TOM1: variants seen among roughly 807,000 people sequenced by gnomAD.
TOM1 encodes the protein target of myb1 membrane trafficking protein, also known as target of Myb protein 1.
Under a neutral mutation model 61.3 loss-of-function variants are expected in TOM1, and 38 were observed. That is an observed-to-expected ratio of 0.62 (90% confidence interval 0.48 to 0.81). TOM1 has a LOEUF of 0.81. Ranked by LOEUF, TOM1 falls within the 40% of genes least tolerant of loss-of-function variation. The probability of loss-of-function intolerance (pLI) is 0.00; values close to 1 mark genes in which losing one functional copy is unlikely to be tolerated. For missense variants in TOM1, 591 were observed against 659.6 expected, an observed-to-expected ratio of 0.90 and a Z score of 1.14; for synonymous variants, 270 against 268.8, an observed-to-expected ratio of 1.00 and a Z score of -0.04.
At position 35,332,986 on chromosome 22, in the gene TOM1, A is replaced by G; in HGVS notation, c.905A>G (p.Glu302Gly). ...NNVFLRHERF[E>G]RFRTGQTTKA... ...GTGTCTTTTCTGTCTTGTAGGTTTGAACGGTTCCGAACAGGCCAGACCACC... is the reference window on the plus strand; with the variant it reads ...GTGTCTTTTCTGTCTTGTAGGTTTGGACGGTTCCGAACAGGCCAGACCACC... The change falls in exon 9 of 15, where the codon GAA (glutamate) becomes GGA (glycine). Residue 302 changes from glutamate to glycine, a missense_variant. Transcript: ENST00000449058. 2 of 1,614,058 alleles carry G rather than the reference A, an allele frequency of 1.2e-6. No individual in the cohort carries two copies. The highest frequency in any genetic ancestry group is 2.2e-5 in the South Asian group (2 of 91,072).
In TOM1 at chr22:35,338,627, G is replaced by A. The variant is rs371178160; in HGVS notation, c.1149-86G>A. ...CAGGCAGGCCTGGAGGATGGGAGCCGTCAATCTGTGCCCCCCAGCCCGCTC... is the reference window on the plus strand; with the variant it reads ...CAGGCAGGCCTGGAGGATGGGAGCCATCAATCTGTGCCCCCCAGCCCGCTC... On this transcript the variant is annotated intron_variant, in intron 11 of 14. Coordinates refer to ENST00000449058, the MANE Select transcript of TOM1 (RefSeq NM_005488.3). The A allele has an allele frequency of 1.1e-4, 129 of 1,123,282 alleles. No individual in the cohort carries two copies. In the East Asian group the frequency reaches 1.8e-3, roughly 15 times the overall value. 69.6% of individuals were successfully genotyped at this position (1,123,282 alleles called of 1,614,324 possible).
At chr22:35,326,258 A>C (rs1183532820) in intron 6 of TOM1, among the ~76,000 whole-genome samples, 1 of 152,220 alleles carries the variant, frequency 6.6e-6, no homozygotes, top group Non-Finnish European at 1.5e-5. Context: ...CTCAAAACAT[A>C]AAAAGGTTCT....
intron 12 of TOM1, among the ~76,000 whole-genome samples, chr22:35,343,403 C>A (rs1352113823): frequency 6.6e-6 from 1 of 150,510 alleles, no homozygotes; most frequent in Non-Finnish European, 1.5e-5. Context: ...AACCTACACA[C>A]ACAGCCCTAC....
In TOM1 at chr22:35,317,796, C is replaced by T. The variant is rs180709913; in HGVS notation, c.53-81C>T. 4.2e-5 allele frequency: 44 copies of T among 1,043,242 alleles called. No individual in the cohort carries two copies. The East Asian group carries it at 9.7e-4, about 23-fold the overall frequency. The allele number at this position is 1,043,242 out of a possible 1,614,324, so 64.6% of individuals were successfully genotyped here. ...CCTCCCCATCTCATCCGGCCCTGCA[C>T]CCCCCTCCTCTCCCACCCACGGTTT... On this transcript the variant is annotated intron_variant, in intron 1 of 14. Coordinates refer to ENST00000449058, the MANE Select transcript of TOM1 (RefSeq NM_005488.3).
chr22:35,313,745 T>C (rs777439847), intron 1 of TOM1, among the ~76,000 whole-genome samples: 3 of 152,080 alleles, frequency 2.0e-5, no homozygotes, highest in Non-Finnish European at 4.4e-5. Flanking sequence ...CCAGACCCAA[T>C]AGGGAGAGGA....
At chr22:35,307,965 C>G (rs1444040282) in intron 1 of TOM1, among the ~76,000 whole-genome samples, 5 of 152,166 alleles carry the variant, frequency 3.3e-5, no homozygotes, top group Non-Finnish European at 7.3e-5. Context: ...TTTAAATCAC[C>G]AGACCCGCGT....
chr22:35,320,580 C>T (rs2145649787), intron 2 of TOM1, among the ~76,000 whole-genome samples: 1 of 152,274 alleles, frequency 6.6e-6, no homozygotes, highest in South Asian at 2.1e-4. Flanking sequence ...ACCCAAACTG[C>T]TCTGCCCCCA....
chr22:35,299,898 C>T lies in TOM1; in HGVS notation c.-31C>T. ...CGCTGGCGGTTGCTGTCAGCTGATT[C>T]CCGGGGTTGGTGGCAGCGGCGGTAG... On this transcript the variant is annotated 5_prime_UTR_variant, in exon 1 of 15. Transcript: ENST00000449058. 1 of 1,571,732 alleles carries T rather than the reference C, an allele frequency of 6.4e-7. No homozygotes were observed. Among genetic ancestry groups the T allele is most frequent in the Non-Finnish European group, 8.6e-7 (1 of 1,157,084 alleles).
intron 6 of TOM1, among the ~76,000 whole-genome samples, chr22:35,324,438 G>A (rs79999446): frequency 1.4e-5 from 2 of 142,054 alleles, no homozygotes; most frequent in Non-Finnish European, 3.0e-5. Flanking sequence ...AAAAAAAAAG[G>A]CTTCATTTGA....
intron 12 of TOM1, among the ~76,000 whole-genome samples, chr22:35,343,448 A>G: frequency 8.3e-6 from 1 of 120,498 alleles, no homozygotes; most frequent in Non-Finnish European, 1.7e-5. Context: ...CCCACCACAC[A>G]CACCTACACA....
intron 2 of TOM1, 164 bp downstream of exon 2, chr22:35,318,125 C>T (rs2145642171): frequency 1.6e-6 from 1 of 629,070 alleles, no homozygotes; most frequent in Non-Finnish European, 2.9e-6. Context: ...CCCCTAGTAC[C>T]TGAGCCCCAT....
intron 11 of TOM1, among the ~76,000 whole-genome samples, chr22:35,335,993 G>C (rs1165425287): frequency 6.6e-6 from 1 of 152,168 alleles, no homozygotes; most frequent in Non-Finnish European, 1.5e-5. Context: ...AGGGAAGGGG[G>C]CAGGATGCTG....
chr22:35,342,971 C>CACACAT, intron 12 of TOM1, among the ~76,000 whole-genome samples: 1 of 109,280 alleles, frequency 9.2e-6, no homozygotes, highest in Non-Finnish European at 1.8e-5. Flanking sequence ...ACACACCACA[C>CACACAT]CTACACACTC....
chr22:35,308,490 G>C (rs537709549), intron 1 of TOM1, among the ~76,000 whole-genome samples: 15 of 151,898 alleles, frequency 9.9e-5, no homozygotes, highest in Non-Finnish European at 1.9e-4. Flanking sequence ...CACCATGTTG[G>C]CCAGGCTGGT....
intron 1 of TOM1, among the ~76,000 whole-genome samples, chr22:35,305,397 C>T (rs1418832877): frequency 6.6e-6 from 1 of 152,190 alleles, no homozygotes; most frequent in Non-Finnish European, 1.5e-5. Context: ...CACGGTGGCT[C>T]ACGCCTGTAA....
At chr22:35,330,258 G>A in intron 7 of TOM1, 89 bp from the exon 8 acceptor site, 1 of 1,389,162 alleles carries the variant, frequency 7.2e-7, no homozygotes, top group Non-Finnish European at 9.7e-7. Context: ...CTCCAGCCTG[G>A]GCGACAGAGC....
Position 35,323,034 on chromosome 22 carries a change from G to A in TOM1, c.223G>A (p.Glu75Lys), listed in dbSNP as rs748360916. The change falls in exon 4 of 15, where the codon GAA (glutamate) becomes AAA (lysine). Residue 75 changes from glutamate (E) to lysine (K), a missense_variant. Glu to Lys is a moderately conservative substitution (Grantham distance 56). Coordinates refer to ENST00000449058, the MANE Select transcript of TOM1 (RefSeq NM_005488.3). The surrounding 1 kb of genome is among the most constrained non-coding windows in gnomAD (Gnocchi z 4.2). ...GCACCTCTCGGCCCTCCAGGTCTTA[G>A]AAACCTGTGTCAAGAACTGCGGGCA... ...HEVMLALTVLETCVKNCGHRF... is the reference protein window; with the variant it reads ...HEVMLALTVLKTCVKNCGHRF... The A allele has an allele frequency of 1.9e-6, 3 of 1,613,934 alleles. No homozygotes were observed. In the African/African-American group the frequency reaches 4.0e-5, roughly 22 times the overall value.
rs2145742670 is a variant in TOM1 at position 35,347,470 on chromosome 22, G to A, written c.*261G>A. 1 of 389,752 alleles carries A rather than the reference G, an allele frequency of 2.6e-6. No individual in the cohort carries two copies. Among genetic ancestry groups the A allele is most frequent in the South Asian group, 5.0e-5 (1 of 20,024 alleles). 24.1% of individuals were successfully genotyped at this position (389,752 alleles called of 1,614,324 possible). ...CCAGCTGACCATGAGACTTTGCTGA[G>A]AAGTGGAGGCCCCAGGACAGGCTGG... On this transcript the variant is annotated 3_prime_UTR_variant, in exon 15 of 15. Coordinates refer to ENST00000449058, the MANE Select transcript of TOM1 (RefSeq NM_005488.3).
rs540402878 is a variant in TOM1 at position 35,317,090 on chromosome 22, G to A, written c.53-787G>A. On this transcript the variant is annotated intron_variant, in intron 1 of 14. Transcript: ENST00000449058. ...TCTAGGAAGAGGGGGCTGGGGCAGG[G>A]GACAGAGATAGATTTACCTAGCTCC... is the stretch of plus-strand genomic sequence containing the variant. Among the ~76,000 whole-genome samples, 3 of 152,250 alleles carry A rather than the reference G, an allele frequency of 2.0e-5. No homozygotes were observed. The East Asian group carries it at 5.8e-4, about 29-fold the overall frequency.
Sources: gnomAD v4.1 joint callset for allele counts (sites outside exome capture counted in the v4.1 genomes callset) on GRCh38, gnomAD v4.1.1 for gene constraint, Gnocchi (gnomAD v3.1) non-coding constraint, MANE v1.5 for transcripts, NCBI Gene and HGNC (gene_info 2026-07-23, HGNC 2026-07-21) for gene names.